The following TRIP11 variants were observed in gnomAD, a reference collection of about 807,000 sequenced individuals.
The protein encoded by TRIP11 is thyroid hormone receptor interactor 11.
TRIP11 carries 148 observed loss-of-function variants against 223.1 expected under a neutral mutation model. The observed-to-expected ratio is 0.66, with a 90% CI of 0.58 to 0.76. The LOEUF (loss-of-function observed/expected upper bound fraction) is 0.76. TRIP11 is among the 30% of genes least tolerant of loss of function. The probability of loss-of-function intolerance (pLI) is 0.00; values close to 1 mark genes in which losing one functional copy is unlikely to be tolerated. For missense variants in TRIP11, 2,043 were observed against 2,222.0 expected, an observed-to-expected ratio of 0.92 and a Z score of 1.62; for synonymous variants, 762 against 772.6, an observed-to-expected ratio of 0.99 and a Z score of 0.23.
chr14:92,017,902 A>C, intron 4 of TRIP11, 152 bp from the exon 5 acceptor site: 1 of 643,164 alleles, frequency 1.6e-6, no homozygotes, highest in South Asian at 1.9e-5. Flanking sequence ...TAAAGAACCT[A>C]GTCTAATAGT....
chr14:91,980,453 C>G (rs968224519), intron 16 of TRIP11, among the ~76,000 whole-genome samples: 8 of 152,176 alleles, frequency 5.3e-5, no homozygotes, highest in African/African-American at 1.9e-4. Flanking sequence ...GTCCTATCAC[C>G]AGGGCCAGAC....
chr14:92,039,370 T>G (rs930057641), intron 1 of TRIP11, among the ~76,000 whole-genome samples, 177 bp downstream of exon 1: 2 of 152,122 alleles, frequency 1.3e-5, no homozygotes, highest in African/African-American at 4.8e-5. Context: ...TGGCCCCCAG[T>G]GGTCTTTCAT....
chr14:92,021,809 G>A lies in TRIP11; in HGVS notation c.335C>T (p.Ala112Val), dbSNP rs1290562666. 1 of 1,614,006 alleles carries A rather than the reference G, an allele frequency of 6.2e-7. No homozygotes were observed. Among genetic ancestry groups the A allele is most frequent in the East Asian group, 2.2e-5 (1 of 44,886 alleles). ...CTGATCCTGGAGTGCAATCTGTCTGGCTTTAAGATGGCTGATTTCTACCTA... is the reference window on the plus strand; with the variant it reads ...CTGATCCTGGAGTGCAATCTGTCTGACTTTAAGATGGCTGATTTCTACCTA... ...QKEVEISHLK[A>V]RQIALQDQLL... is the part of the protein sequence containing the mutation. Residue 112 changes from alanine to valine, a missense_variant, in exon 4 of 21, where the codon GCC becomes GTC. Ala to Val is a moderately conservative substitution (Grantham distance 64, BLOSUM62 0). Coordinates refer to ENST00000267622, the MANE Select transcript of TRIP11 (RefSeq NM_004239.4).
In TRIP11 at chr14:91,966,449, C is replaced by CT. The variant is rs1371083490; in HGVS notation, c.*3223dup. ...TATCTTTAAATATCAGGTCCAAATG[C>CT]TTTTAAGTTTGATGGATAATAGTGT... On this transcript the variant is annotated 3_prime_UTR_variant, in exon 21 of 21. Transcript: ENST00000267622. 1 of 191,752 alleles carries CT rather than the reference C, an allele frequency of 5.2e-6. No individual in the cohort carries two copies. Among genetic ancestry groups the CT allele is most frequent in the African/African-American group, 2.3e-5 (1 of 43,002 alleles). The allele number at this position is 191,752 out of a possible 1,614,324, so 11.9% of individuals were successfully genotyped here. A position where few individuals can be genotyped will look rare whatever the true frequency, so the allele number is the denominator to read the frequency against.
rs941796281 is a variant in TRIP11, at chr14:91,968,434, T to A, written c.*1239A>T. ...ATCAAAGTGATTTCACTGCCCTCAGTGGCCACCGTGATAACAGTTGACTCT... is the reference window on the plus strand; with the variant it reads ...ATCAAAGTGATTTCACTGCCCTCAGAGGCCACCGTGATAACAGTTGACTCT... On this transcript the variant is annotated 3_prime_UTR_variant, in exon 21 of 21. Coordinates refer to ENST00000267622, the MANE Select transcript of TRIP11 (RefSeq NM_004239.4). The A allele has an allele frequency of 3.8e-5, 8 of 210,100 alleles. No individual in the cohort carries two copies. The highest frequency in any genetic ancestry group is 7.7e-5 in the Non-Finnish European group (8 of 103,478). The allele number at this position is 210,100 out of a possible 1,614,324, so 13.0% of individuals were successfully genotyped here. A position where few individuals can be genotyped will look rare whatever the true frequency, so the allele number is the denominator to read the frequency against.
chr14:91,999,232 A>C lies in TRIP11; in HGVS notation c.4892+8T>G. 6.2e-7 allele frequency: 1 copy of C among 1,611,968 alleles called. No individual in the cohort carries two copies. The highest frequency in any genetic ancestry group is 8.5e-7 in the Non-Finnish European group (1 of 1,179,750). ...GTTAAAGTTAATGCAAAAAAATGAA[A>C]AAATTACCTTGCATTTTCCATTGCA... is the stretch of plus-strand genomic sequence containing the variant. On this transcript the variant is annotated splice_region_variant and intron_variant, in intron 13 of 20. Transcript: ENST00000267622.
chr14:92,001,770 C>A (rs959738808), intron 11 of TRIP11, among the ~76,000 whole-genome samples: 3 of 152,168 alleles, frequency 2.0e-5, no homozygotes, highest in African/African-American at 7.2e-5. Context: ...ACTCTTATAA[C>A]CTTAAGAAGC....
chr14:92,028,062 G>GA (rs1380047860), intron 2 of TRIP11, among the ~76,000 whole-genome samples: 1 of 152,128 alleles, frequency 6.6e-6, no homozygotes, highest in Non-Finnish European at 1.5e-5. Context: ...CTGTTTATAT[G>GA]AAAAACACCA....
chr14:92,013,319 C>T (rs1379753112), intron 7 of TRIP11, among the ~76,000 whole-genome samples: 1 of 152,088 alleles, frequency 6.6e-6, no homozygotes, highest in East Asian at 1.9e-4. Flanking sequence ...ATTGGCTAGA[C>T]ACTATCCTAA....
chr14:92,027,306 C>A (rs1471464610), intron 2 of TRIP11, among the ~76,000 whole-genome samples: 2 of 151,336 alleles, frequency 1.3e-5, no homozygotes, highest in Non-Finnish European at 2.9e-5. Flanking sequence ...AGAAAAAAAA[C>A]CTTGTAAAAA....
intron 9 of TRIP11, among the ~76,000 whole-genome samples, 170 bp downstream of exon 9, chr14:92,010,816 T>C (rs1476220198): frequency 6.6e-6 from 1 of 151,934 alleles, no homozygotes. Context: ...ACTTATACTC[T>C]GAACTTTACC....
chr14:91,985,215 C>T (rs142444987), intron 16 of TRIP11, among the ~76,000 whole-genome samples: 190 of 151,672 alleles, frequency 1.3e-3, no homozygotes, highest in South Asian at 7.7e-3. Flanking sequence ...TACTAACCTA[C>T]GGGGTATCTA....
At chr14:92,020,451 A>G (rs1566869482) in intron 4 of TRIP11, among the ~76,000 whole-genome samples, 1 of 152,090 alleles carries the variant, frequency 6.6e-6, no homozygotes, top group Non-Finnish European at 1.5e-5. Flanking sequence ...ACAACACAAA[A>G]TGGTTTATCA....
chr14:92,039,604 C>CA lies in TRIP11; in HGVS notation c.81dup (p.Gly28TrpfsTer24), dbSNP rs779038293. On this transcript the variant is annotated frameshift_variant, in exon 1 of 21. Coordinates refer to ENST00000267622, the MANE Select transcript of TRIP11 (RefSeq NM_004239.4). LOFTEE classifies it high-confidence loss of function. ...TCCTTTGTAAAGTTTGATATCTGGC[C>CA]AGTGAGGGAAGCCAGGCTGCCCCCG... 19 of 1,613,492 alleles carry CA rather than the reference C, an allele frequency of 1.2e-5. No individual in the cohort carries two copies. The highest frequency in any genetic ancestry group is 1.6e-5 in the Non-Finnish European group (19 of 1,179,840).
At chr14:92,013,367 A>C (rs2056997144) in intron 7 of TRIP11, among the ~76,000 whole-genome samples, 1 of 152,246 alleles carries the variant, frequency 6.6e-6, no homozygotes, top group Non-Finnish European at 1.5e-5. Context: ...CCTCATTACT[A>C]AAACTACAAG....
Position 92,005,282 on chromosome 14 carries a change from T to C in TRIP11, c.2694A>G (p.Val898=), listed in dbSNP as rs2056884136. The part of the protein sequence containing the change: ...LDSVTELASE[V]SQLNTIKEHL... ...GTTCCTTGATCGTGTTCAGTTGAGA[T>C]ACCTCAGATGCTAGTTCAGTAACAC... The change falls in exon 11 of 21, where the codon GTA becomes GTG. Residue 898 remains valine, a synonymous_variant. Transcript: ENST00000267622. 6.2e-7 allele frequency: 1 copy of C among 1,614,106 alleles called. No homozygotes were observed. The highest frequency in any genetic ancestry group is 8.5e-7 in the Non-Finnish European group (1 of 1,179,990).
chr14:92,004,699 C>A lies in TRIP11; in HGVS notation c.3277G>T (p.Ala1093Ser), dbSNP rs2056875186. 2 of 1,614,088 alleles carry A rather than the reference C, an allele frequency of 1.2e-6. No homozygotes were observed. Among genetic ancestry groups the A allele is most frequent in the Non-Finnish European group, 1.7e-6 (2 of 1,180,018 alleles). Residue 1093 changes from alanine (A) to serine (S), a missense_variant, in exon 11 of 21, where the codon GCT (alanine) becomes TCT (serine). Transcript: ENST00000267622. The part of the protein sequence containing the change: ...DVVYLQQQLQ[A>S]YAMEREKVFA... Reference sequence around the variant, plus strand: ...ACCTTTTCTCTTTCCATAGCATAAGCCTGCAGTTGCTGTTGAAGGTAAACA... The same window carrying A: ...ACCTTTTCTCTTTCCATAGCATAAGACTGCAGTTGCTGTTGAAGGTAAACA...
intron 15 of TRIP11, among the ~76,000 whole-genome samples, chr14:91,993,087 T>C (rs8007979): frequency 0.013 from 2,000 of 150,090 alleles, 32 homozygotes; most frequent in African/African-American, 0.046. Context: ...GATGTTATTA[T>C]ACAAAAAAAA....
chr14:92,017,573 TATA>T, intron 5 of TRIP11, 106 bp downstream of exon 5: 1 of 841,288 alleles, frequency 1.2e-6, no homozygotes, highest in Admixed American at 2.2e-5. Flanking sequence ...CCATAATCTA[TATA>T]ATGATAATGA....
Sources: allele counts gnomAD v4.1 joint callset (sites outside exome capture counted in the v4.1 genomes callset), GRCh38; gene constraint gnomAD v4.1.1; transcripts MANE v1.5; gene names NCBI Gene and HGNC (gene_info 2026-07-23, HGNC 2026-07-21).